LIN28A: variants seen among roughly 807,000 people sequenced by gnomAD.
LIN28A encodes protein lin-28 homolog A.
LIN28A carries 11 observed loss-of-function variants against 21.1 expected under a neutral mutation model. The ratio of observed to expected loss-of-function variants is 0.52; its 90% CI spans 0.33 to 0.86. LIN28A has a LOEUF of 0.86. Among genes scored for constraint, LIN28A ranks in the 40% least tolerant of loss-of-function variants. The pLI is 0.03. For missense variants in LIN28A, 219 were observed against 279.8 expected, an observed-to-expected ratio of 0.78 and a Z score of 1.55; for synonymous variants, 111 against 108.7, an observed-to-expected ratio of 1.02 and a Z score of -0.13.
Position 26,411,896 on chromosome 1 carries a change from T to C in LIN28A, c.228+314T>C, listed in dbSNP as rs2074962268. ...CCATGTGGCAGAAACTAAGGTTGTA[T>C]TGTGCTTGCCGGTGGGGGGAGGGCG... is the stretch of plus-strand genomic sequence containing the variant. On this transcript the variant is annotated intron_variant, in intron 2 of 3. Transcript: ENST00000326279. This position sits in a 1 kb window ranked among gnomAD's most constrained non-coding sequence, Gnocchi z 5.4. Among the ~76,000 whole-genome samples the C allele has an allele frequency of 6.6e-6, 1 of 152,088 alleles. No individual in the cohort carries two copies. The highest frequency in any genetic ancestry group is 2.1e-4 in the South Asian group (1 of 4,822).
At position 26,410,851 on chromosome 1, in the gene LIN28A, G is replaced by T; in HGVS notation, c.-41G>T. On this transcript the variant is annotated 5_prime_UTR_variant, in exon 1 of 4. Transcript: ENST00000326279. ...TCGGACTTCTCCGGGGCCAGCAGCC[G>T]CCCGACCAGGGGCCCGGGGCCACGG... 1.2e-6 allele frequency: 2 copies of T among 1,609,934 alleles called. No homozygotes were observed. Among genetic ancestry groups the T allele is most frequent in the Non-Finnish European group, 1.7e-6 (2 of 1,177,408 alleles).
At chr1:26,423,413 CTTTTTTTTTTTTT>C (rs1202952934) in intron 2 of LIN28A, among the ~76,000 whole-genome samples, 9 of 78,824 alleles carry the variant, frequency 1.1e-4, no homozygotes, top group East Asian at 4.6e-4. Context: ...TTTTCTTTTT[CTTTTTTTTTTTTT>C]TTTTTTTTTT....
intron 2 of LIN28A, among the ~76,000 whole-genome samples, chr1:26,415,156 G>A (rs781403356): frequency 1.3e-5 from 2 of 152,190 alleles, no homozygotes; most frequent in Non-Finnish European, 2.9e-5. Flanking sequence ...TATATTAGAA[G>A]ACTTGGAGTC....
At chr1:26,415,963 G>C (rs2074990583) in intron 2 of LIN28A, among the ~76,000 whole-genome samples, 1 of 152,146 alleles carries the variant, frequency 6.6e-6, no homozygotes, top group Admixed American at 6.5e-5. Flanking sequence ...TTCTTTCTGA[G>C]ACATGCTTCT....
rs748272077 is a variant in LIN28A at position 26,411,691 on chromosome 1, A to T, written c.228+109A>T. ...TTGAGGGCCATCGGGAGCCCTCATT[A>T]TGCATCCCTGTCTTTGCTTCGGCAC... On this transcript the variant is annotated intron_variant, in intron 2 of 3. Transcript: ENST00000326279. This position sits in a 1 kb window ranked among gnomAD's most constrained non-coding sequence, Gnocchi z 5.4. The T allele has an allele frequency of 9.1e-7, 1 of 1,100,936 alleles. No homozygotes were observed. 68.2% of individuals were successfully genotyped at this position (1,100,936 alleles called of 1,614,324 possible).
rs764901857 is a variant in LIN28A at position 26,425,327 on chromosome 1, C to T, written c.253C>T (p.Arg85Trp). The T allele has an allele frequency of 4.3e-6, 7 of 1,613,500 alleles. No individual in the cohort carries two copies. Among genetic ancestry groups the T allele is most frequent in the Admixed American group, 3.3e-5 (2 of 59,970 alleles). ...GAGTAAGCTGCACATGGAAGGGTTC[C>T]GGAGCTTGAAGGAGGGTGAGGCAGT... ...HQSKLHMEGF[R>W]SLKEGEAVEF... Residue 85 changes from arginine to tryptophan, a missense_variant, in exon 3 of 4, where the codon CGG (arginine) becomes TGG (tryptophan). Arg to Trp is a moderately radical substitution (Grantham distance 101). Transcript: ENST00000326279.
rs1246929314 is a variant in LIN28A at position 26,411,052 on chromosome 1, AG to A, written c.31+133del. 6.6e-6 allele frequency: 8 copies of A among 1,219,160 alleles called. No individual in the cohort carries two copies. The East Asian group carries it at 1.6e-4, about 24-fold the overall frequency. The allele number at this position is 1,219,160 out of a possible 1,614,324, so 75.5% of individuals were successfully genotyped here. A position where few individuals can be genotyped will look rare whatever the true frequency, so the allele number is the denominator to read the frequency against. ...AAGACGGTGCGGCCTTCTGCTTCAT[AG>A]GGCCGTCTCTGGGGCCAGGAACCTT... On this transcript the variant is annotated intron_variant, in intron 1 of 3. Transcript: ENST00000326279. The surrounding 1 kb of genome is among the most constrained non-coding windows in gnomAD (Gnocchi z 5.4).
In LIN28A at chr1:26,411,089, T is replaced by A. The variant is rs553485827; in HGVS notation, c.31+167T>A. ...GGGGCCAGGAACCTTGGTGTCCCAG[T>A]GGCGTGCGCGCCAGACTACGTGGGT... On this transcript the variant is annotated intron_variant, in intron 1 of 3. Coordinates refer to ENST00000326279, the MANE Select transcript of LIN28A (RefSeq NM_024674.6). This position sits in a 1 kb window ranked among gnomAD's most constrained non-coding sequence, Gnocchi z 5.4. 4.6e-5 allele frequency among the ~76,000 whole-genome samples: 7 copies of A among 152,200 alleles called. No homozygotes were observed. In the South Asian group the frequency reaches 1.5e-3, roughly 32 times the overall value.
In LIN28A at chr1:26,413,144, G is replaced by A. The variant is rs867944832; in HGVS notation, c.228+1562G>A. 6.1e-4 allele frequency among the ~76,000 whole-genome samples: 93 copies of A among 152,182 alleles called. 1 individual carries two copies. The highest frequency in any genetic ancestry group is 6.8e-3 in the Middle Eastern group (2 of 294). On this transcript the variant is annotated intron_variant, in intron 2 of 3. Coordinates refer to ENST00000326279, the MANE Select transcript of LIN28A (RefSeq NM_024674.6). ...GCTTTGAATGGCCCTCCTCAGCAGG[G>A]TAGCAAGCCTCCCCCACTCTCCCAT...
intron 2 of LIN28A, among the ~76,000 whole-genome samples, chr1:26,424,695 T>TGGG (rs1343111442): frequency 1.3e-5 from 2 of 152,200 alleles, no homozygotes; most frequent in Non-Finnish European, 2.9e-5. Flanking sequence ...TTATATTTGT[T>TGGG]GATTTCTTCC....
At chr1:26,419,542 A>G (rs1262071448) in intron 2 of LIN28A, among the ~76,000 whole-genome samples, 1 of 152,164 alleles carries the variant, frequency 6.6e-6, no homozygotes, top group African/African-American at 2.4e-5. Context: ...GCTAGTTAGG[A>G]TAAAACCAGA....
chr1:26,411,561 A>C lies in LIN28A; in HGVS notation c.207A>C (p.Pro69=), dbSNP rs778485284. The stretch of plus-strand genomic sequence containing the variant: ...GCGCCGGGGTCGCGCTCGACCCCCC[A>C]GTGGATGTCTTTGTGCACCAGGTGA... ...TARAGVALDP[P]VDVFVHQSKL... The change falls in exon 2 of 4, where the codon CCA becomes CCC. Residue 69 remains proline, a synonymous_variant. Transcript: ENST00000326279. This position sits in a 1 kb window ranked among gnomAD's most constrained non-coding sequence, Gnocchi z 5.4. The C allele has an allele frequency of 6.2e-7, 1 of 1,613,614 alleles. No individual in the cohort carries two copies. The highest frequency in any genetic ancestry group is 8.5e-7 in the Non-Finnish European group (1 of 1,179,896).
rs1348853679 is a variant in LIN28A, at chr1:26,416,087, G to A, written c.228+4505G>A. ...GGCTCACTGCAACTTCTGACTTTTG[G>A]GTTCAAGCAATTCTCCTGCCTCAGC... On this transcript the variant is annotated intron_variant, in intron 2 of 3. Transcript: ENST00000326279. Among the ~76,000 whole-genome samples, 3 of 152,092 alleles carry A rather than the reference G, an allele frequency of 2.0e-5. No individual in the cohort carries two copies. In the East Asian group the frequency reaches 5.8e-4, roughly 29 times the overall value.
rs2075066987 is a variant in LIN28A, at chr1:26,427,514, A to C, written c.*1056A>C. The C allele has an allele frequency of 6.6e-6, 1 of 152,670 alleles. No homozygotes were observed. The highest frequency in any genetic ancestry group is 1.5e-5 in the Non-Finnish European group (1 of 68,058). 9.5% of individuals were successfully genotyped at this position (152,670 alleles called of 1,614,324 possible). ...CTACTGGAAGATTGGGAATTAGTCTAAACAGGAAATGGTGGTACACAGAGG... is the reference window on the plus strand; with the variant it reads ...CTACTGGAAGATTGGGAATTAGTCTCAACAGGAAATGGTGGTACACAGAGG... On this transcript the variant is annotated 3_prime_UTR_variant, in exon 4 of 4. Transcript: ENST00000326279.
intron 2 of LIN28A, among the ~76,000 whole-genome samples, chr1:26,418,272 C>T (rs539672177): frequency 3.3e-5 from 5 of 152,138 alleles, no homozygotes; most frequent in South Asian, 4.2e-4. Context: ...TTGGGGTGGG[C>T]GCGGTGGCTC....
At chr1:26,426,203 G>A (rs2124306603) in intron 3 of LIN28A, 39 bp from the exon 4 acceptor site, 1 of 1,563,954 alleles carries the variant, frequency 6.4e-7, no homozygotes, top group South Asian at 1.1e-5. Context: ...GCCTCTTCTT[G>A]CTCCTTTCTC....
At chr1:26,412,442 G>A (rs180910338) in intron 2 of LIN28A, among the ~76,000 whole-genome samples, 33 of 152,216 alleles carry the variant, frequency 2.2e-4, no homozygotes, top group African/African-American at 7.7e-4. Context: ...GAGACTTCAG[G>A]TCTCCCTCCT....
chr1:26,424,043 G>T (rs561830734), intron 2 of LIN28A, among the ~76,000 whole-genome samples: 12 of 151,512 alleles, frequency 7.9e-5, no homozygotes, highest in Non-Finnish European at 1.6e-4. Flanking sequence ...TTACAGGCGT[G>T]AGGCAGCGCA....
chr1:26,420,601 C>CAAAAAAA, intron 2 of LIN28A, among the ~76,000 whole-genome samples: 1 of 129,224 alleles, frequency 7.7e-6, no homozygotes, highest in Non-Finnish European at 1.6e-5. Flanking sequence ...AAGACTTTCT[C>CAAAAAAA]AAAAAAAAAA....
Sources: allele counts gnomAD v4.1 joint callset (sites outside exome capture counted in the v4.1 genomes callset), GRCh38; gene constraint gnomAD v4.1.1; non-coding constraint Gnocchi (gnomAD v3.1); transcripts MANE v1.5; gene names NCBI Gene and HGNC (gene_info 2026-07-23, HGNC 2026-07-21).